TRPS1: variants seen among roughly 807,000 people sequenced by gnomAD.
The protein encoded by TRPS1 is zinc finger transcription factor Trps1.
In TRPS1, 6 loss-of-function variants were observed where a neutral mutation model predicts 101.2. The observed-to-expected ratio is 0.06, with a 90% CI of 0.03 to 0.12. The LOEUF (loss-of-function observed/expected upper bound fraction) is 0.12. Among genes scored for constraint, TRPS1 ranks in the 10% least tolerant of loss-of-function variants. The probability of loss-of-function intolerance (pLI) is 1.00; values close to 1 mark genes in which losing one functional copy is unlikely to be tolerated. For missense variants in TRPS1, 1,363 were observed against 1,567.0 expected (o/e 0.87, Z 2.20); for synonymous variants, 578 against 589.8 (o/e 0.98, Z 0.29).
chr8:115,526,191 C>G (rs1162307934), intron 5 of TRPS1, among the ~76,000 whole-genome samples: 1 of 152,080 alleles, frequency 6.6e-6, no homozygotes, highest in South Asian at 2.1e-4. Flanking sequence ...TGCCTGTAAT[C>G]CCAGCTACTC....
chr8:115,452,681 G>T (rs918576065), intron 5 of TRPS1, among the ~76,000 whole-genome samples: 3 of 152,058 alleles, frequency 2.0e-5, no homozygotes, highest in Non-Finnish European at 2.9e-5. Flanking sequence ...CGCAGCCTTG[G>T]GATGCTTGGA....
Position 115,562,871 on chromosome 8 carries a change from A to AGT in TRPS1, c.2700+24128_2700+24129dup, listed in dbSNP as rs1342159223. Among the ~76,000 whole-genome samples, 3 of 101,036 alleles carry AGT rather than the reference A, an allele frequency of 3.0e-5. No homozygotes were observed. In the East Asian group the frequency reaches 9.8e-4, roughly 33 times the overall value. The allele number at this position is 101,036 out of a possible 152,430, so 66.3% of individuals were successfully genotyped here. A position where few individuals can be genotyped will look rare whatever the true frequency, so the allele number is the denominator to read the frequency against. On this transcript the variant is annotated intron_variant, in intron 5 of 6. Coordinates refer to ENST00000395715, the MANE Select transcript of TRPS1 (RefSeq NM_014112.5). ...ACGCATGCCTACTCCCCCTACCCACAGTGTCTGTGTGTGTGTGTGTGTGTG... is the reference window on the plus strand; with the variant it reads ...ACGCATGCCTACTCCCCCTACCCACAGTGTGTCTGTGTGTGTGTGTGTGTGTG...
chr8:115,510,770 A>G (rs1563563951), intron 5 of TRPS1, among the ~76,000 whole-genome samples: 1 of 151,926 alleles, frequency 6.6e-6, no homozygotes, highest in Non-Finnish European at 1.5e-5. Context: ...TCAATATTAG[A>G]TGATTCTTCT....
chr8:115,633,878 A>T (rs1818706255), intron 1 of TRPS1, among the ~76,000 whole-genome samples: 1 of 152,086 alleles, frequency 6.6e-6, no homozygotes, highest in Admixed American at 6.6e-5. Context: ...GTGGTTTCTT[A>T]TTTTGCATAA....
chr8:115,661,993 T>C (rs1381517632), intron 1 of TRPS1, among the ~76,000 whole-genome samples: 1 of 152,036 alleles, frequency 6.6e-6, no homozygotes, highest in African/African-American at 2.4e-5. Flanking sequence ...AACTTTGTAA[T>C]AAATAAAATG....
chr8:115,472,044 T>C (rs1814483859), intron 5 of TRPS1, among the ~76,000 whole-genome samples: 1 of 152,138 alleles, frequency 6.6e-6, no homozygotes, highest in African/African-American at 2.4e-5. Context: ...CATTCTGGGG[T>C]CTAGAGGACG....
At chr8:115,484,276 G>T (rs931165455) in intron 5 of TRPS1, among the ~76,000 whole-genome samples, 2 of 151,426 alleles carry the variant, frequency 1.3e-5, no homozygotes, top group Non-Finnish European at 2.9e-5. Context: ...AAATCTGTTA[G>T]ACAAAATACA....
At chr8:115,416,932 T>G (rs2129761679) in intron 6 of TRPS1, among the ~76,000 whole-genome samples, 1 of 152,290 alleles carries the variant, frequency 6.6e-6, no homozygotes, top group African/African-American at 2.4e-5. Flanking sequence ...ATAAATTCCT[T>G]TTTTAAACTG....
rs751565386 is a variant in TRPS1 at position 115,418,392 on chromosome 8, G to A, written c.2761C>T (p.Arg921Ter). 1 of 1,614,096 alleles carries A rather than the reference G, an allele frequency of 6.2e-7. No homozygotes were observed. The highest frequency in any genetic ancestry group is 8.5e-7 in the Non-Finnish European group (1 of 1,180,012). Residue 921 changes from arginine (R) to a stop codon, truncating the protein, a stop_gained, in exon 6 of 7, where the codon CGA becomes TGA. Transcript: ENST00000395715. LOFTEE classifies it high-confidence loss of function. The surrounding 1 kb of genome is among the most constrained non-coding windows in gnomAD (Gnocchi z 4.3). ...ACATATCCGCCATTTGCATTCTTTC[G>A]CCAGAGAGAGGTCTTTGTGGTCAGG... ...NCLTTKTSLW[R>*]KNANGGYVCN...
intron 1 of TRPS1, among the ~76,000 whole-genome samples, chr8:115,650,225 T>G (rs948666372): frequency 5.3e-5 from 8 of 152,342 alleles, no homozygotes; most frequent in African/African-American, 1.9e-4. Flanking sequence ...GATATTACTT[T>G]TAAAAATCCA....
intron 5 of TRPS1, among the ~76,000 whole-genome samples, chr8:115,533,460 C>CTTTTTTTTT (rs1816200851): frequency 1.0e-5 from 1 of 95,998 alleles, no homozygotes; most frequent in Non-Finnish European, 1.8e-5. Flanking sequence ...TTTTTTTTTT[C>CTTTTTTTTT]CTGAAAAAAA....
At chr8:115,487,327 T>C (rs921062305) in intron 5 of TRPS1, among the ~76,000 whole-genome samples, 1 of 152,196 alleles carries the variant, frequency 6.6e-6, no homozygotes, top group East Asian at 1.9e-4. Context: ...AGAGCTCTGA[T>C]GGATATGTAC....
At chr8:115,664,055 T>A (rs1228043594) in intron 1 of TRPS1, among the ~76,000 whole-genome samples, 1 of 152,092 alleles carries the variant, frequency 6.6e-6, no homozygotes, top group Non-Finnish European at 1.5e-5. Context: ...AAAGGTCATA[T>A]ATAATTAATA....
At chr8:115,571,091 G>A (rs563672439) in intron 5 of TRPS1, among the ~76,000 whole-genome samples, 62 of 152,252 alleles carry the variant, frequency 4.1e-4, no homozygotes, top group African/African-American at 1.3e-3. Flanking sequence ...TAGCTATTAT[G>A]ACACAAGTGC....
chr8:115,628,974 C>T (rs548792349), intron 1 of TRPS1, among the ~76,000 whole-genome samples: 35 of 151,922 alleles, frequency 2.3e-4, no homozygotes, highest in Admixed American at 1.4e-3. Context: ...GAGAGGGTGA[C>T]GTGTGTCCAA....
At chr8:115,453,108 G>A (rs1368657236) in intron 5 of TRPS1, among the ~76,000 whole-genome samples, 21 of 151,474 alleles carry the variant, frequency 1.4e-4, no homozygotes, top group Non-Finnish European at 2.2e-4. Context: ...TGCAACCTCC[G>A]CCTCCTGGGT....
intron 3 of TRPS1, among the ~76,000 whole-genome samples, chr8:115,615,116 T>C (rs1267584974): frequency 6.6e-6 from 1 of 152,232 alleles, no homozygotes; most frequent in Non-Finnish European, 1.5e-5. Flanking sequence ...ATGTGATTCT[T>C]CTATTAGCCT....
In TRPS1 at chr8:115,410,338, G is replaced by A. The variant is rs1812761401; in HGVS notation, c.*3685C>T. The A allele has an allele frequency of 6.6e-6, 1 of 152,414 alleles. No homozygotes were observed. The highest frequency in any genetic ancestry group is 1.5e-5 in the Non-Finnish European group (1 of 67,988). The allele number at this position is 152,414 out of a possible 1,614,324, so 9.4% of individuals were successfully genotyped here. Reference sequence around the variant, plus strand: ...ATTATAAACATAATGTGCTACCACAGGCTTCAACAAAGAGCTGTTAAAGAT... The same window carrying A: ...ATTATAAACATAATGTGCTACCACAAGCTTCAACAAAGAGCTGTTAAAGAT... On this transcript the variant is annotated 3_prime_UTR_variant, in exon 7 of 7. Coordinates refer to ENST00000395715, the MANE Select transcript of TRPS1 (RefSeq NM_014112.5).
chr8:115,652,829 T>C (rs778354551), intron 1 of TRPS1, among the ~76,000 whole-genome samples: 1 of 152,192 alleles, frequency 6.6e-6, no homozygotes, highest in Non-Finnish European at 1.5e-5. Flanking sequence ...AGGTCAAGTA[T>C]AAAATAGTTT....
Sources: allele counts gnomAD v4.1 joint callset (sites outside exome capture counted in the v4.1 genomes callset), GRCh38; gene constraint gnomAD v4.1.1; non-coding constraint Gnocchi (gnomAD v3.1); transcripts MANE v1.5; gene names NCBI Gene and HGNC (gene_info 2026-07-23, HGNC 2026-07-21).